LMBRD1: variants seen among roughly 807,000 people sequenced by gnomAD.
The protein encoded by LMBRD1 is LMBR1 domain containing 1.
In LMBRD1, 64 loss-of-function variants were observed where a neutral mutation model predicts 74.8. The observed-to-expected ratio is 0.86, with a 90% confidence interval of 0.70 to 1.05. The LOEUF is 1.05. Among genes scored for constraint, LMBRD1 ranks in the 50% least tolerant of loss-of-function variants. The probability of loss-of-function intolerance (pLI) is 0.00; values close to 1 mark genes in which losing one functional copy is unlikely to be tolerated. For missense variants in LMBRD1, 652 were observed against 645.9 expected (o/e 1.01, Z -0.10); for synonymous variants, 204 against 216.3 (o/e 0.94, Z 0.50).
chr6:69,720,515 T>G (rs1216957395), intron 7 of LMBRD1, among the ~76,000 whole-genome samples: 22 of 152,222 alleles, frequency 1.4e-4, no homozygotes, highest in Non-Finnish European at 1.5e-5. Flanking sequence ...GGACTAGAAG[T>G]GTTTTGGATT....
At chr6:69,748,235 T>C (rs1171247638) in intron 5 of LMBRD1, among the ~76,000 whole-genome samples, 1 of 152,190 alleles carries the variant, frequency 6.6e-6, no homozygotes, top group African/African-American at 2.4e-5. Context: ...ATCTATGCTT[T>C]AAGAAAAGTT....
chr6:69,759,096 G>A (rs1765324121), intron 3 of LMBRD1, among the ~76,000 whole-genome samples: 1 of 152,088 alleles, frequency 6.6e-6, no homozygotes, highest in Non-Finnish European at 1.5e-5. Context: ...TTATAAACCA[G>A]TAAGCAAGGT....
intron 7 of LMBRD1, among the ~76,000 whole-genome samples, chr6:69,732,448 C>T (rs1255499077): frequency 1.3e-5 from 2 of 152,104 alleles, no homozygotes; most frequent in East Asian, 1.9e-4. Flanking sequence ...TTGTACTTCC[C>T]AGTCTCTAGA....
intron 1 of LMBRD1, among the ~76,000 whole-genome samples, chr6:69,791,127 T>C (rs112341052): frequency 2.0e-5 from 3 of 152,354 alleles, no homozygotes; most frequent in East Asian, 3.9e-4. Context: ...TAGTTACCAA[T>C]GCCATTCTAG....
intron 7 of LMBRD1, 152 bp from the exon 8 acceptor site, chr6:69,719,233 A>G (rs1766561737): frequency 3.0e-6 from 2 of 665,070 alleles, no homozygotes; most frequent in Admixed American, 2.6e-5. Flanking sequence ...TGAACATTAT[A>G]TTGTCTCATA....
At chr6:69,763,844 C>T (rs1283391267) in intron 3 of LMBRD1, among the ~76,000 whole-genome samples, 7 of 152,182 alleles carry the variant, frequency 4.6e-5, no homozygotes, top group South Asian at 4.1e-4. Context: ...TTTATTGAAA[C>T]GCTTTTTTCC....
chr6:69,796,825 GC>G lies in LMBRD1; in HGVS notation c.56del (p.Gly19AlafsTer30), dbSNP rs974070130. ...AELVIGWCIF[G>X]LLLLAILAFC... ...GCGCCTCCCCTACCAGTAGTAAGAG[GC>G]CGAATATGCACCAGCCGATCACCAG... On this transcript the variant is annotated frameshift_variant, in exon 1 of 16. Coordinates refer to ENST00000649934, the MANE Select transcript of LMBRD1 (RefSeq NM_018368.4). LOFTEE classifies it high-confidence loss of function. 1.2e-6 allele frequency: 2 copies of G among 1,613,278 alleles called. No homozygotes were observed. Among genetic ancestry groups the G allele is most frequent in the African/African-American group, 2.7e-5 (2 of 74,858 alleles).
chr6:69,727,120 C>T (rs1766753992), intron 7 of LMBRD1, among the ~76,000 whole-genome samples: 1 of 152,084 alleles, frequency 6.6e-6, no homozygotes, highest in South Asian at 2.1e-4. Context: ...GATCGCGCCA[C>T]TGCACTCCAG....
intron 8 of LMBRD1, among the ~76,000 whole-genome samples, chr6:69,718,414 C>T (rs950533137): frequency 1.3e-5 from 2 of 152,044 alleles, no homozygotes; most frequent in African/African-American, 2.4e-5. Context: ...TCCTACATTA[C>T]ACAGAAGACA....
At chr6:69,760,425 G>A (rs1001921329) in intron 3 of LMBRD1, among the ~76,000 whole-genome samples, 2 of 152,198 alleles carry the variant, frequency 1.3e-5, no homozygotes, top group Non-Finnish European at 2.9e-5. Flanking sequence ...TAAATTTAGA[G>A]TATTTCTAAG....
At chr6:69,776,630 G>A (rs965067570) in intron 3 of LMBRD1, among the ~76,000 whole-genome samples, 8 of 152,124 alleles carry the variant, frequency 5.3e-5, no homozygotes, top group African/African-American at 1.7e-4. Flanking sequence ...GCATAAGTAG[G>A]TCCCATGGAG....
chr6:69,684,361 T>C (rs1209950813), intron 14 of LMBRD1, among the ~76,000 whole-genome samples: 1 of 151,080 alleles, frequency 6.6e-6, no homozygotes, highest in Non-Finnish European at 1.5e-5. Flanking sequence ...CAATAAATAA[T>C]AAAAAAGAAT....
chr6:69,776,599 C>T (rs142013111), intron 3 of LMBRD1, among the ~76,000 whole-genome samples: 3 of 152,232 alleles, frequency 2.0e-5, no homozygotes, highest in Admixed American at 1.3e-4. Context: ...ACATGGAACC[C>T]GAACATAAAA....
chr6:69,690,902 C>T (rs1238005514), intron 14 of LMBRD1, among the ~76,000 whole-genome samples: 1 of 152,086 alleles, frequency 6.6e-6, no homozygotes, highest in Non-Finnish European at 1.5e-5. Context: ...TTAAGATTTG[C>T]TAGTTGCTAA....
At position 69,740,604 on chromosome 6, in the gene LMBRD1, A is replaced by T. The variant is rs116605084; in HGVS notation, c.562+1185T>A. ...TCACAATTTACAACATGAGATCTTA[A>T]GTGGAAAGCAAGAAAATTAAGAACT... On this transcript the variant is annotated intron_variant, in intron 6 of 15. Transcript: ENST00000649934. 1.8e-3 allele frequency among the ~76,000 whole-genome samples: 279 copies of T among 152,322 alleles called. 1 individual carries two copies. The highest frequency in any genetic ancestry group is 6.4e-3 in the African/African-American group (265 of 41,574).
At chr6:69,693,271 GATT>G (rs1375083858) in intron 14 of LMBRD1, among the ~76,000 whole-genome samples, 1 of 151,866 alleles carries the variant, frequency 6.6e-6, no homozygotes, top group Non-Finnish European at 1.5e-5. Context: ...TTCTTTAATG[GATT>G]ATTTTAAACA....
At chr6:69,752,180 T>G in intron 4 of LMBRD1, 79 bp downstream of exon 4, 1 of 1,425,288 alleles carries the variant, frequency 7.0e-7, no homozygotes, top group South Asian at 1.3e-5. Flanking sequence ...TAGAAAAAAT[T>G]CAGTCATTCA....
intron 9 of LMBRD1, among the ~76,000 whole-genome samples, chr6:69,711,942 A>G (rs1479629643): frequency 6.6e-6 from 1 of 152,094 alleles, no homozygotes; most frequent in Non-Finnish European, 1.5e-5. Flanking sequence ...CCAGGTACTA[A>G]GCAAGGAACC....
chr6:69,694,451 T>C (rs919528058), intron 14 of LMBRD1, among the ~76,000 whole-genome samples: 7 of 152,192 alleles, frequency 4.6e-5, no homozygotes, highest in Non-Finnish European at 4.4e-5. Context: ...CATTTCAAAG[T>C]AAAAAATCTT....
Sources: gnomAD v4.1 joint callset for allele counts (sites outside exome capture counted in the v4.1 genomes callset) on GRCh38, gnomAD v4.1.1 for gene constraint, MANE v1.5 for transcripts, NCBI Gene and HGNC (gene_info 2026-07-23, HGNC 2026-07-21) for gene names.